TNRC6B: variants seen among roughly 807,000 people sequenced by gnomAD.
The protein encoded by TNRC6B is trinucleotide repeat-containing gene 6B protein.
Under a neutral mutation model 203.6 loss-of-function variants are expected in TNRC6B, and 52 were observed. The observed-to-expected ratio is 0.26, with a 90% CI of 0.20 to 0.32. TNRC6B has a LOEUF of 0.32. Ranked by LOEUF, TNRC6B falls within the 10% of genes least tolerant of loss-of-function variation. The probability of loss-of-function intolerance (pLI) is 1.00; values close to 1 mark genes in which losing one functional copy is unlikely to be tolerated. For synonymous variants in TNRC6B, 838 were observed against 845.7 expected, an observed-to-expected ratio of 0.99 and a Z score of 0.16; for missense variants, 1,923 against 2,286.2, an observed-to-expected ratio of 0.84 and a Z score of 3.24.
rs1046983496 is a variant in TNRC6B, at chr22:40,312,534, A to G, written c.4465A>G (p.Ile1489Val). 1.2e-6 allele frequency: 2 copies of G among 1,613,582 alleles called. No individual in the cohort carries two copies. The highest frequency in any genetic ancestry group is 1.7e-6 in the Non-Finnish European group (2 of 1,179,850). Residue 1489 changes from isoleucine to valine, a missense_variant, in exon 18 of 23, where the codon ATC becomes GTC. By Grantham distance (29) the Ile-to-Val change is conservative (BLOSUM62 3). This residue lies in a region of TNRC6B where 242 missense variants were observed against 399.5 expected (regional missense o/e 0.61). Coordinates refer to ENST00000454349, the MANE Select transcript of TNRC6B (RefSeq NM_001162501.2). ...CCAACCAGGAGTGCCATGGAAAGGT[A>G]TCCAAAACATTGACCCTGAATCTGA... Reference protein sequence around the residue: ...EFQPGVPWKGIQNIDPESDPY... With the variant: ...EFQPGVPWKGVQNIDPESDPY...
In TNRC6B at chr22:40,332,182, A is replaced by G. The variant is rs2043989342; in HGVS notation, c.*8941A>G. ...AACTCCGCCTCCTCTCTCCTTTTTA[A>G]TATTTCTTTCTTCCTTTTTAATCAT... On this transcript the variant is annotated 3_prime_UTR_variant, in exon 23 of 23. Transcript: ENST00000454349. The G allele has an allele frequency of 6.6e-6, 1 of 152,598 alleles. No individual in the cohort carries two copies. Among genetic ancestry groups the G allele is most frequent in the African/African-American group, 2.4e-5 (1 of 41,394 alleles). The allele number at this position is 152,598 out of a possible 1,614,324, so 9.5% of individuals were successfully genotyped here.
At chr22:40,264,486 A>G (rs939346678) in intron 4 of TNRC6B, among the ~76,000 whole-genome samples, 10 of 152,184 alleles carry the variant, frequency 6.6e-5, no homozygotes, top group African/African-American at 2.4e-4. Flanking sequence ...GAGAGAGATG[A>G]AGTTAGACTT....
chr22:40,165,965 T>G (rs575499689), intron 4 of TNRC6B, among the ~76,000 whole-genome samples: 91 of 152,028 alleles, frequency 6.0e-4, no homozygotes, highest in East Asian at 2.9e-3. Flanking sequence ...GGTGGTTTTT[T>G]TTGTTGTTGT....
intron 6 of TNRC6B, among the ~76,000 whole-genome samples, chr22:40,271,615 C>T (rs1184850248): frequency 6.6e-6 from 1 of 151,918 alleles, no homozygotes; most frequent in South Asian, 2.1e-4. Flanking sequence ...TGAAATAGAC[C>T]CAAAATGCTG....
intron 4 of TNRC6B, among the ~76,000 whole-genome samples, chr22:40,157,938 C>G (rs556796251): frequency 6.6e-6 from 1 of 152,098 alleles, no homozygotes. Context: ...AGATTTGAAC[C>G]CAGATCTTAC....
intron 1 of TNRC6B, chr22:40,106,489 C>G (rs1259876440): frequency 1.3e-6 from 1 of 744,604 alleles, no homozygotes; most frequent in African/African-American, 1.7e-5. Flanking sequence ...GTATAGATCT[C>G]ATGAATCAGA....
At chr22:40,269,319 A>G (rs2070527168) in intron 5 of TNRC6B, among the ~76,000 whole-genome samples, 1 of 151,362 alleles carries the variant, frequency 6.6e-6, no homozygotes, top group African/African-American at 2.4e-5. Context: ...TTTTTGCTGG[A>G]GATGGGGTTT....
intron 4 of TNRC6B, among the ~76,000 whole-genome samples, chr22:40,163,204 A>G (rs2068885099): frequency 6.6e-6 from 1 of 151,444 alleles, no homozygotes; most frequent in Non-Finnish European, 1.5e-5. Context: ...GCTTGAGCTC[A>G]GGAATTAGAG....
intron 3 of TNRC6B, among the ~76,000 whole-genome samples, chr22:40,152,137 T>G (rs1192473293): frequency 6.6e-6 from 1 of 152,224 alleles, no homozygotes; most frequent in Non-Finnish European, 1.5e-5. Context: ...TTTTTGTTTT[T>G]GGTTTTGTTT....
intron 1 of TNRC6B, chr22:40,045,448 G>A (rs2067679664): frequency 6.6e-6 from 1 of 151,898 alleles, no homozygotes; most frequent in African/African-American, 2.4e-5. Context: ...CCGTCTCCGG[G>A]GGGCCTCGGC....
At chr22:40,119,269 G>A (rs2068420657) in intron 2 of TNRC6B, among the ~76,000 whole-genome samples, 1 of 152,154 alleles carries the variant, frequency 6.6e-6, no homozygotes, top group Admixed American at 6.5e-5. Flanking sequence ...AAGTTGAAGT[G>A]ATGTGCAAAA....
Position 40,266,532 on chromosome 22 carries a change from C to G in TNRC6B, c.2302C>G (p.Pro768Ala). The change falls in exon 5 of 23, where the codon CCT becomes GCT. Residue 768 changes from proline (P) to alanine (A), a missense_variant. By Grantham distance (27) the Pro-to-Ala change is conservative (BLOSUM62 -1). Transcript: ENST00000454349. ...NSNWESSASK[P>A]VSGWGEGGQN... Reference sequence around the variant, plus strand: ...CAATTGGGAAAGTTCTGCAAGTAAACCTGTGTCTGGGTGGGGTGAAGGAGG... The same window carrying G: ...CAATTGGGAAAGTTCTGCAAGTAAAGCTGTGTCTGGGTGGGGTGAAGGAGG... The G allele has an allele frequency of 1.9e-6, 3 of 1,613,790 alleles. No individual in the cohort carries two copies. Among genetic ancestry groups the G allele is most frequent in the Non-Finnish European group, 2.5e-6 (3 of 1,179,784 alleles).
chr22:40,153,715 A>T (rs1183698491), intron 3 of TNRC6B, among the ~76,000 whole-genome samples: 2 of 151,772 alleles, frequency 1.3e-5, no homozygotes, highest in Non-Finnish European at 2.9e-5. Flanking sequence ...TTGAACAAAA[A>T]CGGTAACTTA....
Position 40,273,292 on chromosome 22 carries a change from A to C in TNRC6B, c.2966-133A>C, listed in dbSNP as rs567387314. On this transcript the variant is annotated intron_variant, in intron 6 of 22. Transcript: ENST00000454349. The stretch of plus-strand genomic sequence containing the variant: ...CCTGCTCTCTAAAAAATGAGTAATA[A>C]TATTTGTCTTGCCATGGAGATGGAG... 4 of 796,898 alleles carry C rather than the reference A, an allele frequency of 5.0e-6. No homozygotes were observed. In the African/African-American group the frequency reaches 6.9e-5, roughly 14 times the overall value. 49.4% of individuals were successfully genotyped at this position (796,898 alleles called of 1,614,324 possible). A position where few individuals can be genotyped will look rare whatever the true frequency, so the allele number is the denominator to read the frequency against.
chr22:40,247,823 A>G (rs912510028), intron 2 of TNRC6B, among the ~76,000 whole-genome samples: 4 of 152,156 alleles, frequency 2.6e-5, no homozygotes, highest in Admixed American at 2.0e-4. Context: ...TAATCCCAAC[A>G]CTTTGGGAGG....
intron 12 of TNRC6B, 88 bp from the exon 13 acceptor site, chr22:40,300,367 T>C: frequency 1.5e-6 from 2 of 1,307,092 alleles, no homozygotes; most frequent in Non-Finnish European, 2.0e-6. Flanking sequence ...TTTAGATTCA[T>C]CAAGATTCTT....
chr22:40,156,332 T>A (rs1375925824), intron 4 of TNRC6B: 1 of 699,470 alleles, frequency 1.4e-6, no homozygotes, highest in Non-Finnish European at 2.4e-6. Context: ...ATGCATTGCT[T>A]CTATTTATAG....
Position 40,177,971 on chromosome 22 carries a change from AGAGT to A in TNRC6B, c.-164_-161del, listed in dbSNP as rs1694982769. 4 of 1,461,292 alleles carry A rather than the reference AGAGT, an allele frequency of 2.7e-6. No homozygotes were observed. The highest frequency in any genetic ancestry group is 2.4e-5 in the East Asian group (1 of 41,188). The allele number at this position is 1,461,292 out of a possible 1,614,324, so 90.5% of individuals were successfully genotyped here. On this transcript the variant is annotated 5_prime_UTR_variant, in exon 1 of 23. Transcript: ENST00000454349. The stretch of plus-strand genomic sequence containing the variant: ...GAGCAAGAGGGAGAGTGTGTGAGAG[AGAGT>A]TAGTTCAAGCCAAAATGGCCGACAG...
intron 3 of TNRC6B, among the ~76,000 whole-genome samples, chr22:40,259,369 G>T (rs1358950904): frequency 6.6e-6 from 1 of 151,982 alleles, no homozygotes; most frequent in East Asian, 1.9e-4. Flanking sequence ...GAATACAGGC[G>T]CATGCCACCA....
Sources: allele counts gnomAD v4.1 joint callset (sites outside exome capture counted in the v4.1 genomes callset), GRCh38; gene constraint gnomAD v4.1.1; regional missense constraint gnomAD v4.1.1; transcripts MANE v1.5; gene names NCBI Gene and HGNC (gene_info 2026-07-23, HGNC 2026-07-21).